Variants in MAGI2 observed in about 807,000 individuals in gnomAD.
The protein encoded by MAGI2 is membrane-associated guanylate kinase, WW and PDZ domain-containing protein 2.
In MAGI2, 35 loss-of-function variants were observed where a neutral mutation model predicts 133.3. That is an observed-to-expected ratio of 0.26 (90% CI 0.20 to 0.35). MAGI2 has a LOEUF of 0.35. Among genes scored for constraint, MAGI2 ranks in the 10% least tolerant of loss-of-function variants. The pLI, the probability that MAGI2 is intolerant of heterozygous loss-of-function variation, is 1.00. For synonymous variants in MAGI2, 729 were observed against 710.6 expected, an observed-to-expected ratio of 1.03 and a Z score of -0.41; for missense variants, 1,636 against 1,863.4, an observed-to-expected ratio of 0.88 and a Z score of 2.25.
At chr7:78,626,985 A>T (rs1316221491) in intron 3 of MAGI2, 135 bp downstream of exon 3, 1 of 690,942 alleles carries the variant, frequency 1.4e-6, no homozygotes, top group African/African-American at 1.9e-5. Flanking sequence ...TTTTTAGGAT[A>T]CATTTCTAAA....
intron 3 of MAGI2, among the ~76,000 whole-genome samples, chr7:78,553,065 A>G (rs942823684): frequency 9.3e-5 from 14 of 151,328 alleles, no homozygotes; most frequent in Non-Finnish European, 1.6e-4. Flanking sequence ...AGGAAAATTC[A>G]GAAGTTGCCT....
At chr7:79,015,610 T>C (rs1489258189) in intron 1 of MAGI2, among the ~76,000 whole-genome samples, 2 of 152,154 alleles carry the variant, frequency 1.3e-5, no homozygotes, top group African/African-American at 2.4e-5. Context: ...TTATAACAAT[T>C]ATAGGGTCAT....
At chr7:79,439,274 T>C (rs1848341736) in intron 1 of MAGI2, among the ~76,000 whole-genome samples, 1 of 152,146 alleles carries the variant, frequency 6.6e-6, no homozygotes, top group Non-Finnish European at 1.5e-5. Flanking sequence ...ATGTTTCCAA[T>C]GGAACTGCAC....
chr7:78,965,066 T>C (rs192464000), intron 2 of MAGI2, among the ~76,000 whole-genome samples: 28 of 151,814 alleles, frequency 1.8e-4, no homozygotes, highest in Admixed American at 1.7e-3. Flanking sequence ...ATTGTTTAGG[T>C]GTCATTGAAA....
chr7:78,501,885 A>C, intron 4 of MAGI2, 98 bp from the exon 5 acceptor site: 1 of 823,504 alleles, frequency 1.2e-6, no homozygotes, highest in South Asian at 1.6e-5. Context: ...GTCATGAATA[A>C]CTTCTATGAA....
intron 1 of MAGI2, among the ~76,000 whole-genome samples, chr7:79,039,352 T>C (rs901514886): frequency 2.0e-5 from 3 of 152,130 alleles, no homozygotes; most frequent in Non-Finnish European, 4.4e-5. Context: ...ATAAATAAAT[T>C]ACCCAGTGTC....
At chr7:79,193,730 C>G (rs377152633) in intron 1 of MAGI2, among the ~76,000 whole-genome samples, 1 of 151,746 alleles carries the variant, frequency 6.6e-6, no homozygotes, top group Non-Finnish European at 1.5e-5. Context: ...TACTTTCTCC[C>G]CCCACCACTT....
chr7:78,127,939 G>T (rs1182587253), intron 18 of MAGI2, among the ~76,000 whole-genome samples: 1 of 152,024 alleles, frequency 6.6e-6, no homozygotes, highest in Non-Finnish European at 1.5e-5. Flanking sequence ...CTGCTGAGTT[G>T]GGTCTTTTTG....
chr7:78,990,951 G>T (rs528956743), intron 2 of MAGI2, among the ~76,000 whole-genome samples: 1 of 130,438 alleles, frequency 7.7e-6, no homozygotes, highest in East Asian at 2.4e-4. Flanking sequence ...CAGAGATATG[G>T]TTTGGCTTTT....
chr7:78,303,875 C>T (rs1470110972), intron 9 of MAGI2, among the ~76,000 whole-genome samples: 1 of 152,138 alleles, frequency 6.6e-6, no homozygotes, highest in African/African-American at 2.4e-5. Flanking sequence ...AAAAATCTCG[C>T]TGCCTACTCA....
At chr7:78,999,022 T>C (rs1469522024) in intron 2 of MAGI2, among the ~76,000 whole-genome samples, 1 of 152,016 alleles carries the variant, frequency 6.6e-6, no homozygotes, top group Non-Finnish European at 1.5e-5. Context: ...AGACAAAATA[T>C]AGCCTCAGAA....
intron 1 of MAGI2, among the ~76,000 whole-genome samples, chr7:79,102,340 T>G (rs1024400451): frequency 3.0e-4 from 45 of 152,196 alleles, no homozygotes; most frequent in Admixed American, 7.2e-4. Flanking sequence ...ATTTGATTGC[T>G]TCCTTAAAAG....
chr7:79,066,285 GT>G (rs538535344), intron 1 of MAGI2, among the ~76,000 whole-genome samples: 245 of 127,314 alleles, frequency 1.9e-3, no homozygotes, highest in Middle Eastern at 8.2e-3. Flanking sequence ...TCAGTGTGGT[GT>G]TTTTTTTTTT....
At chr7:78,470,229 C>T (rs1049393501) in intron 6 of MAGI2, among the ~76,000 whole-genome samples, 16 of 152,138 alleles carry the variant, frequency 1.1e-4, no homozygotes, top group African/African-American at 3.6e-4. Flanking sequence ...GATATTGTCA[C>T]TATCTTTGTA....
At chr7:78,610,524 A>G (rs1806325363) in intron 3 of MAGI2, among the ~76,000 whole-genome samples, 1 of 152,232 alleles carries the variant, frequency 6.6e-6, no homozygotes, top group Non-Finnish European at 1.5e-5. Context: ...GGAGATGTTA[A>G]TAGAGCTCCA....
chr7:79,213,639 T>TA (rs541723400), intron 1 of MAGI2, among the ~76,000 whole-genome samples: 2 of 152,010 alleles, frequency 1.3e-5, no homozygotes, highest in Non-Finnish European at 2.9e-5. Flanking sequence ...TTCTCAGGTT[T>TA]AAAAAAATAA....
rs1232546411 is a variant in MAGI2, at chr7:78,491,885, G to A, written c.966-2045C>T. Among the ~76,000 whole-genome samples, 3 of 149,018 alleles carry A rather than the reference G, an allele frequency of 2.0e-5. No individual in the cohort carries two copies. The East Asian group carries it at 6.3e-4, about 31-fold the overall frequency. On this transcript the variant is annotated intron_variant, in intron 5 of 21. Coordinates refer to ENST00000354212, the MANE Select transcript of MAGI2 (RefSeq NM_012301.4). ...CTCCGTTCAAATTGTGTGTGTGTGTGTGTGTGTGTGTGTGTGTGTGTGTGT... is the reference window on the plus strand; with the variant it reads ...CTCCGTTCAAATTGTGTGTGTGTGTATGTGTGTGTGTGTGTGTGTGTGTGT...
chr7:79,438,041 ATCTCT>A (rs1335851770), intron 1 of MAGI2, among the ~76,000 whole-genome samples: 6 of 152,018 alleles, frequency 3.9e-5, no homozygotes, highest in Admixed American at 1.3e-4. Context: ...TCCACTCTTG[ATCTCT>A]TCTCATTTTC....
chr7:79,071,556 C>T (rs1004473268), intron 1 of MAGI2, among the ~76,000 whole-genome samples: 1 of 152,142 alleles, frequency 6.6e-6, no homozygotes, highest in Non-Finnish European at 1.5e-5. Context: ...CACAGCCGCC[C>T]CTTCCCCCAG....
Sources: allele counts gnomAD v4.1 joint callset (sites outside exome capture counted in the v4.1 genomes callset), GRCh38; gene constraint gnomAD v4.1.1; transcripts MANE v1.5; gene names NCBI Gene and HGNC (gene_info 2026-07-23, HGNC 2026-07-21).